Variants in ARHGEF18 observed in about 807,000 individuals in gnomAD.
ARHGEF18 encodes the protein Rho/Rac guanine nucleotide exchange factor 18.
ARHGEF18 carries 93 observed loss-of-function variants against 155.7 expected under a neutral mutation model. The ratio of observed to expected loss-of-function variants is 0.60; its 90% confidence interval spans 0.50 to 0.71. The LOEUF is 0.71. Ranked by LOEUF, ARHGEF18 falls within the 30% of genes least tolerant of loss-of-function variation. The pLI, the probability that ARHGEF18 is intolerant of heterozygous loss-of-function variation, is 0.00. For missense variants in ARHGEF18, 1,593 were observed against 1,816.1 expected (o/e 0.88, Z 2.23); for synonymous variants, 742 against 753.1 (o/e 0.99, Z 0.24).
the ARHGEF18 span, among the ~76,000 whole-genome samples, chr19:7,477,768 G>T: frequency 6.6e-6 from 1 of 152,360 alleles, no homozygotes; most frequent in Non-Finnish European, 1.5e-5. Context: ...ACCCCCAGGA[G>T]CGTGGCCTGT....
intron 20 of ARHGEF18, 143 bp downstream of exon 20, chr19:7,460,137 G>A (rs1442074189): frequency 1.0e-5 from 8 of 783,988 alleles, no homozygotes; most frequent in African/African-American, 1.8e-5. Context: ...GCTCTGTGAA[G>A]CATTAGAACG....
intron 2 of ARHGEF18, among the ~76,000 whole-genome samples, chr19:7,370,900 CTTT>C (rs111574229): frequency 2.1e-5 from 3 of 145,588 alleles, no homozygotes; most frequent in Non-Finnish European, 4.5e-5. Flanking sequence ...CCACACCCCG[CTTT>C]TTTTTTTTCT....
intron 10 of ARHGEF18, among the ~76,000 whole-genome samples, chr19:7,390,284 A>T (rs1474768588): frequency 6.6e-6 from 1 of 152,170 alleles, no homozygotes; most frequent in Non-Finnish European, 1.5e-5. Context: ...AGGTGGGAGG[A>T]TCACTTGAGG....
intron 10 of ARHGEF18, among the ~76,000 whole-genome samples, chr19:7,437,769 G>A (rs1046008162): frequency 1.8e-4 from 27 of 150,622 alleles, no homozygotes; most frequent in Non-Finnish European, 2.7e-4. Flanking sequence ...TCAGCCTCCC[G>A]AGTAGCTGGG....
chr19:7,414,606 C>T (rs1480517914), intron 10 of ARHGEF18, among the ~76,000 whole-genome samples: 4 of 151,984 alleles, frequency 2.6e-5, no homozygotes, highest in Admixed American at 2.0e-4. Context: ...GTCAAGAGAT[C>T]GAGACCATCC....
In ARHGEF18 at chr19:7,362,107, G is replaced by A. The variant is rs12985633; in HGVS notation, c.-110-674G>A. The stretch of plus-strand genomic sequence containing the variant: ...GGAGAAGGAGAAGGAGAAGGAGAAG[G>A]AGAAGGAGAAGGAGAAGGAGAAGGA... On this transcript the variant is annotated intron_variant, in intron 1 of 28. Transcript: ENST00000668164. 3.6e-3 allele frequency among the ~76,000 whole-genome samples: 79 copies of A among 22,226 alleles called. 7 individuals are homozygous for A. The East Asian group carries it at 0.081, about 23-fold the overall frequency. 14.6% of individuals were successfully genotyped at this position (22,226 alleles called of 152,430 possible).
intron 10 of ARHGEF18, among the ~76,000 whole-genome samples, chr19:7,416,370 C>T (rs565715462): frequency 2.6e-5 from 4 of 152,122 alleles, no homozygotes; most frequent in South Asian, 4.2e-4. Context: ...GCTACGATCA[C>T]GCCACTGCAG....
In ARHGEF18 at chr19:7,469,897, C is replaced by G; in HGVS notation, c.3788-7C>G. 1 of 1,612,582 alleles carries G rather than the reference C, an allele frequency of 6.2e-7. No individual in the cohort carries two copies. Among genetic ancestry groups the G allele is most frequent in the Non-Finnish European group, 8.5e-7 (1 of 1,179,684 alleles). ...TGGAGCTGGCCCAAATACCTTCTCT[C>G]TTCCAGCGTCCTTCGACCTGAAGCA... On this transcript the variant is annotated splice_polypyrimidine_tract_variant and splice_region_variant and intron_variant, in intron 27 of 28. Transcript: ENST00000668164.
chr19:7,461,023 G>A (rs570591742), intron 20 of ARHGEF18, among the ~76,000 whole-genome samples: 3 of 151,850 alleles, frequency 2.0e-5, no homozygotes, highest in South Asian at 2.1e-4. Flanking sequence ...TCTCGACCTC[G>A]TGATCTGCCT....
At chr19:7,469,815 G>A in intron 27 of ARHGEF18, 89 bp from the exon 28 acceptor site, 1 of 1,500,516 alleles carries the variant, frequency 6.7e-7, no homozygotes, top group Non-Finnish European at 9.0e-7. Context: ...AGGTGGGGGT[G>A]GCCAGGCCCC....
At chr19:7,369,806 AAAAGAAAGAAAG>A (rs550272329) in intron 2 of ARHGEF18, among the ~76,000 whole-genome samples, 2 of 151,918 alleles carry the variant, frequency 1.3e-5, no homozygotes, top group African/African-American at 4.8e-5. Flanking sequence ...CAAAAAAATT[AAAAGAAAGAAAG>A]AAAGAAAGTT....
the ARHGEF18 span, among the ~76,000 whole-genome samples, chr19:7,479,823 GTGA>G: frequency 6.6e-6 from 1 of 152,230 alleles, no homozygotes; most frequent in African/African-American, 2.4e-5. Flanking sequence ...CTCACTTGGG[GTGA>G]TGATGGATCC....
At chr19:7,408,723 A>G (rs1034724743) in intron 10 of ARHGEF18, among the ~76,000 whole-genome samples, 1 of 152,200 alleles carries the variant, frequency 6.6e-6, no homozygotes, top group African/African-American at 2.4e-5. Context: ...GGTGTTCAAC[A>G]TAGAGTTTGA....
intron 1 of ARHGEF18, among the ~76,000 whole-genome samples, chr19:7,358,268 T>C (rs1270856003): frequency 1.5e-5 from 2 of 134,140 alleles, no homozygotes; most frequent in Non-Finnish European, 3.2e-5. Flanking sequence ...CTTCCATCCA[T>C]TCTTCCATCC....
chr19:7,385,733 C>T (rs1259530647), intron 10 of ARHGEF18, among the ~76,000 whole-genome samples: 1 of 151,870 alleles, frequency 6.6e-6, no homozygotes, highest in Non-Finnish European at 1.5e-5. Flanking sequence ...GCCTTGGCCT[C>T]CCAAAGTGCT....
chr19:7,396,301 T>C (rs1251965030), intron 10 of ARHGEF18, among the ~76,000 whole-genome samples: 1 of 152,156 alleles, frequency 6.6e-6, no homozygotes, highest in Non-Finnish European at 1.5e-5. Context: ...GCCAGTAGCT[T>C]TGAAGGGCCC....
chr19:7,467,477 C>T lies in ARHGEF18; in HGVS notation c.3273C>T (p.Arg1091=), dbSNP rs1358225968. ...GTGCGGGCGCGCGGCTGCAGGAGCG[C>T]GAGGGCGAGGCGCGGCAGCTACGCG... ...LERAGARLQE[R]EGEARQLRER... Residue 1091 remains arginine, a synonymous_variant, in exon 26 of 29, where the codon CGC becomes CGT. Coordinates refer to ENST00000668164, the MANE Select transcript of ARHGEF18 (RefSeq NM_001367823.1). The T allele has an allele frequency of 2.0e-6, 3 of 1,468,884 alleles. No homozygotes were observed. The highest frequency in any genetic ancestry group is 2.7e-5 in the East Asian group (1 of 37,622). 91.0% of individuals were successfully genotyped at this position (1,468,884 alleles called of 1,614,324 possible).
intron 10 of ARHGEF18, among the ~76,000 whole-genome samples, chr19:7,391,400 C>G (rs1971392799): frequency 6.6e-6 from 1 of 152,196 alleles, no homozygotes; most frequent in Non-Finnish European, 1.5e-5. Flanking sequence ...AGAACAGACA[C>G]CACGCCAGAC....
At chr19:7,360,278 C>T (rs1191290407) in intron 1 of ARHGEF18, among the ~76,000 whole-genome samples, 1 of 151,650 alleles carries the variant, frequency 6.6e-6, no homozygotes, top group African/African-American at 2.4e-5. Flanking sequence ...CTCTGTCACC[C>T]AGGCTGGAGT....
Sources: gnomAD v4.1 joint callset for allele counts (sites outside exome capture counted in the v4.1 genomes callset) on GRCh38, gnomAD v4.1.1 for gene constraint, MANE v1.5 for transcripts, NCBI Gene and HGNC (gene_info 2026-07-23, HGNC 2026-07-21) for gene names.